Variants in LDLRAD4 observed in about 807,000 individuals in gnomAD.
LDLRAD4 encodes the protein low density lipoprotein receptor class A domain containing 4, also known as low-density lipoprotein receptor class A domain-containing protein 4.
LDLRAD4 carries 5 observed loss-of-function variants against 17.0 expected under a neutral mutation model. The ratio of observed to expected loss-of-function variants is 0.29; its 90% CI spans 0.15 to 0.62. The LOEUF is 0.62. Among genes scored for constraint, LDLRAD4 ranks in the 20% least tolerant of loss-of-function variants. The pLI is 0.84. For synonymous variants in LDLRAD4, 168 were observed against 171.8 expected (o/e 0.98, Z 0.17); for missense variants, 340 against 424.7 (o/e 0.80, Z 1.75).
intron 3 of LDLRAD4, among the ~76,000 whole-genome samples, chr18:13,446,639 C>G (rs1048465390): frequency 2.0e-5 from 3 of 152,256 alleles, no homozygotes; most frequent in African/African-American, 7.2e-5. Context: ...AGCCAGCTCT[C>G]CTCTCTGACT....
chr18:13,249,107 G>A (rs57416931), intron 1 of LDLRAD4, among the ~76,000 whole-genome samples: 210 of 152,258 alleles, frequency 1.4e-3, no homozygotes, highest in Admixed American at 3.1e-3. Flanking sequence ...TGATTGGTAC[G>A]CCATGGTGTA....
rs187765384 is a variant in LDLRAD4 at position 13,616,001 on chromosome 18, G to A, written c.182-5116G>A. On this transcript the variant is annotated intron_variant, in intron 3 of 5. Coordinates refer to ENST00000359446, the Ensembl canonical transcript of LDLRAD4. ...TTTCTAAGAATGCTACTATTCCTGC[G>A]GGTTTTATTTTTCTAAACTTTCTGT... The A allele has an allele frequency of 2.0e-4, 30 of 152,232 alleles. No homozygotes were observed. The East Asian group carries it at 5.6e-3, about 28-fold the overall frequency. 9.4% of individuals were successfully genotyped at this position (152,232 alleles called of 1,614,324 possible).
intron 2 of LDLRAD4, among the ~76,000 whole-genome samples, chr18:13,408,391 AAG>A (rs201556095): frequency 0.41 from 55,856 of 135,172 alleles, 11,573 homozygotes; most frequent in Non-Finnish European, 0.5. Context: ...AAAAAAAAAA[AAG>A]GTGAGAGAGA....
chr18:13,322,876 C>T (rs762951952), intron 1 of LDLRAD4, among the ~76,000 whole-genome samples: 12 of 151,518 alleles, frequency 7.9e-5, no homozygotes, highest in East Asian at 1.9e-4. Context: ...CCACCTGTCT[C>T]GGCCTCCCAA....
chr18:13,325,557 C>T (rs150238377), intron 1 of LDLRAD4, among the ~76,000 whole-genome samples: 91 of 152,298 alleles, frequency 6.0e-4, no homozygotes, highest in African/African-American at 2.1e-3. Flanking sequence ...ACTCCCTCTC[C>T]TTGCTTCCTG....
intron 3 of LDLRAD4, among the ~76,000 whole-genome samples, chr18:13,551,241 C>A (rs185630381): frequency 2.6e-5 from 4 of 152,332 alleles, no homozygotes; most frequent in Admixed American, 2.6e-4. Context: ...TCCGACAGAG[C>A]AGCAGCGAGG....
intron 1 of LDLRAD4, among the ~76,000 whole-genome samples, chr18:13,380,551 T>G (rs988480703): frequency 5.3e-5 from 8 of 152,202 alleles, no homozygotes; most frequent in Non-Finnish European, 7.3e-5. Context: ...TGCTGCTAGA[T>G]CATATGAGTC....
rs1238767928 is a variant in LDLRAD4 at position 13,621,583 on chromosome 18, G to A, written c.336+312G>A. On this transcript the variant is annotated intron_variant, in intron 4 of 5. Transcript: ENST00000359446. This position sits in a 1 kb window ranked among gnomAD's most constrained non-coding sequence, Gnocchi z 5.5. ...GCACGAACGGGACCGGCCCTGGGTG[G>A]TCCCTCGTGCCTGGCTCCTCTGGCT... 2.0e-5 allele frequency among the ~76,000 whole-genome samples: 3 copies of A among 152,326 alleles called. No individual in the cohort carries two copies. The highest frequency in any genetic ancestry group is 3.4e-3 in the Middle Eastern group (1 of 292).
chr18:13,257,727 G>T (rs1457690944), intron 1 of LDLRAD4, among the ~76,000 whole-genome samples: 9 of 152,232 alleles, frequency 5.9e-5, no homozygotes, highest in African/African-American at 2.2e-4. Context: ...ACAAGTGGGA[G>T]GTGGGAGGTG....
At chr18:13,611,593 G>C in intron 3 of LDLRAD4, 1 of 985,430 alleles carries the variant, frequency 1.0e-6, no homozygotes, top group East Asian at 1.1e-4. Flanking sequence ...CCTGAGACAT[G>C]TCTCTGCTTT....
At chr18:13,455,724 G>A (rs1178346494) in intron 3 of LDLRAD4, among the ~76,000 whole-genome samples, 6 of 152,130 alleles carry the variant, frequency 3.9e-5, no homozygotes, top group African/African-American at 9.7e-5. Flanking sequence ...GAAGATATCC[G>A]GGGGCTTGGC....
intron 2 of LDLRAD4, among the ~76,000 whole-genome samples, chr18:13,391,039 C>T (rs60436438): frequency 0.019 from 2,831 of 152,296 alleles, 86 homozygotes; most frequent in African/African-American, 0.064. Flanking sequence ...CTCAGGAGTC[C>T]GGTGCCCAGC....
chr18:13,274,111 C>G (rs1433610501), upstream of LDLRAD4, among the ~76,000 whole-genome samples: 2 of 152,204 alleles, frequency 1.3e-5, no homozygotes, highest in African/African-American at 2.4e-5. Flanking sequence ...CGGTGGCTTC[C>G]TCTTGAATGA....
chr18:13,579,587 G>A (rs1032576285), intron 3 of LDLRAD4, among the ~76,000 whole-genome samples: 6 of 152,344 alleles, frequency 3.9e-5, no homozygotes, highest in African/African-American at 1.4e-4. Context: ...AAAGGCCAAT[G>A]TAGTTAAAGT....
chr18:13,454,387 T>C (rs999837398), intron 3 of LDLRAD4, among the ~76,000 whole-genome samples: 15 of 152,242 alleles, frequency 9.9e-5, no homozygotes, highest in Middle Eastern at 6.3e-3. Flanking sequence ...TATTAAGTTG[T>C]GAATAATATG....
intron 3 of LDLRAD4, among the ~76,000 whole-genome samples, chr18:13,565,288 A>C (rs1353694878): frequency 6.6e-6 from 1 of 152,204 alleles, no homozygotes; most frequent in African/African-American, 2.4e-5. Context: ...ACAGCTGAAG[A>C]GACCATCTTC....
chr18:13,379,413 C>T (rs554601354), intron 1 of LDLRAD4, among the ~76,000 whole-genome samples: 1 of 152,218 alleles, frequency 6.6e-6, no homozygotes, highest in Non-Finnish European at 1.5e-5. Context: ...GCAGTACAGT[C>T]AGCATTTATT....
exon 6 of LDLRAD4, chr18:13,650,070 G>A (rs940568110): frequency 1.5e-5 from 6 of 398,460 alleles, no homozygotes; most frequent in Non-Finnish European, 2.2e-5. Flanking sequence ...TTCCACCACC[G>A]CCAGCTGCCA....
chr18:13,476,224 C>T (rs554469990), intron 3 of LDLRAD4, among the ~76,000 whole-genome samples: 55 of 152,206 alleles, frequency 3.6e-4, no homozygotes, highest in African/African-American at 1.2e-3. Context: ...CTGGTCCAGA[C>T]GCATGTTTAA....
Sources: gnomAD v4.1 joint callset for allele counts (sites outside exome capture counted in the v4.1 genomes callset) on GRCh38, gnomAD v4.1.1 for gene constraint, Gnocchi (gnomAD v3.1) non-coding constraint, MANE v1.5 for transcripts, NCBI Gene and HGNC (gene_info 2026-07-23, HGNC 2026-07-21) for gene names.